The following KDM4C variants were observed in gnomAD, a reference collection of about 807,000 sequenced individuals.
The protein encoded by KDM4C is lysine demethylase 4C.
KDM4C carries 81 observed loss-of-function variants against 129.3 expected under a neutral mutation model. The observed-to-expected ratio is 0.63, with a 90% CI of 0.52 to 0.75. The LOEUF (loss-of-function observed/expected upper bound fraction) is 0.75. KDM4C is among the 30% of genes least tolerant of loss of function. The probability of loss-of-function intolerance (pLI) is 0.00; values close to 1 mark genes in which losing one functional copy is unlikely to be tolerated. For synonymous variants in KDM4C, 573 were observed against 456.1 expected, an observed-to-expected ratio of 1.26 and a Z score of -3.26; for missense variants, 1,457 against 1,304.0, an observed-to-expected ratio of 1.12 and a Z score of -1.81.
intron 1 of KDM4C, among the ~76,000 whole-genome samples, chr9:6,747,375 G>C (rs369475685): frequency 6.6e-6 from 1 of 151,410 alleles, no homozygotes; most frequent in African/African-American, 2.4e-5. Flanking sequence ...GTGAAACCCC[G>C]TCTCTACTAA....
At chr9:6,791,323 G>C (rs547434819) in intron 1 of KDM4C, among the ~76,000 whole-genome samples, 19 of 152,132 alleles carry the variant, frequency 1.2e-4, no homozygotes, top group Non-Finnish European at 2.6e-4. Flanking sequence ...GTGTTGCCCG[G>C]GGTGGTCTTG....
intron 17 of KDM4C, among the ~76,000 whole-genome samples, chr9:7,085,731 G>A (rs1835038607): frequency 6.6e-6 from 1 of 152,140 alleles, no homozygotes; most frequent in Non-Finnish European, 1.5e-5. Context: ...GGGATAATCT[G>A]AGCATTTATA....
intron 3 of KDM4C, among the ~76,000 whole-genome samples, chr9:6,807,860 A>ACCG (rs1830356457): frequency 8.8e-6 from 1 of 113,600 alleles, no homozygotes; most frequent in African/African-American, 3.6e-5. Flanking sequence ...CAGCCCCCCA[A>ACCG]CCTGGCCAGC....
intron 8 of KDM4C, among the ~76,000 whole-genome samples, chr9:6,899,540 GGGGTGT>G (rs1209318938): frequency 6.8e-4 from 44 of 64,662 alleles, no homozygotes; most frequent in African/African-American, 1.9e-3. Context: ...CTTTTCCATG[GGGGTGT>G]GTGTGTGTGT....
At chr9:7,014,610 G>T (rs981768578) in intron 14 of KDM4C, among the ~76,000 whole-genome samples, 4 of 152,034 alleles carry the variant, frequency 2.6e-5, no homozygotes, top group Non-Finnish European at 5.9e-5. Context: ...ATGTAAAAGG[G>T]ATCTCATATA....
intron 8 of KDM4C, among the ~76,000 whole-genome samples, chr9:6,915,627 C>G (rs1367767182): frequency 6.6e-6 from 1 of 152,194 alleles, no homozygotes; most frequent in African/African-American, 2.4e-5. Context: ...ATCCACTTGA[C>G]TGTCTCAAGA....
rs114108880 is a variant in KDM4C at position 6,797,323 on chromosome 9, C to T, written c.144+4191C>T. 5.3e-3 allele frequency among the ~76,000 whole-genome samples: 809 copies of T among 152,216 alleles called. 7 individuals are homozygous for T. The highest frequency in any genetic ancestry group is 0.018 in the African/African-American group (768 of 41,532). ...TATTGACAAGATTTAATGAATTGGT[C>T]TTAATTTATGATTTGAAGAAATTGG... is the stretch of plus-strand genomic sequence containing the variant. On this transcript the variant is annotated intron_variant, in intron 2 of 21. Coordinates refer to ENST00000381309, the MANE Select transcript of KDM4C (RefSeq NM_015061.6).
chr9:6,778,648 T>A (rs1241447525), intron 1 of KDM4C, among the ~76,000 whole-genome samples: 1 of 151,670 alleles, frequency 6.6e-6, no homozygotes, highest in East Asian at 2.0e-4. Context: ...ATGCCTGTAA[T>A]CCCAGCTACT....
At chr9:6,939,325 C>T (rs945756811) in intron 8 of KDM4C, among the ~76,000 whole-genome samples, 3 of 152,058 alleles carry the variant, frequency 2.0e-5, no homozygotes, top group Admixed American at 1.3e-4. Flanking sequence ...GCCTGATGAT[C>T]TGTCACTGTC....
chr9:6,991,155 T>C (rs1407829319), intron 12 of KDM4C, among the ~76,000 whole-genome samples: 2 of 152,132 alleles, frequency 1.3e-5, no homozygotes, highest in Non-Finnish European at 2.9e-5. Flanking sequence ...CACGGCTCAC[T>C]GCAGCCTCAA....
chr9:6,787,025 A>G (rs1453479058), intron 1 of KDM4C, among the ~76,000 whole-genome samples: 1 of 152,226 alleles, frequency 6.6e-6, no homozygotes, highest in Non-Finnish European at 1.5e-5. Flanking sequence ...TCTAAAACCT[A>G]AGCTATCTAG....
At chr9:6,789,209 G>A (rs1002150961) in intron 1 of KDM4C, among the ~76,000 whole-genome samples, 7 of 137,414 alleles carry the variant, frequency 5.1e-5, no homozygotes, top group Middle Eastern at 3.6e-3. Context: ...TCACCATCAC[G>A]CCTGGCTAAT....
intron 8 of KDM4C, among the ~76,000 whole-genome samples, chr9:6,903,190 C>T (rs1235081415): frequency 1.3e-5 from 2 of 152,066 alleles, no homozygotes; most frequent in African/African-American, 4.8e-5. Flanking sequence ...TTTTTGGCAG[C>T]ATATTCCCAG....
chr9:6,803,178 A>G (rs1178733587), intron 2 of KDM4C, among the ~76,000 whole-genome samples: 2 of 152,186 alleles, frequency 1.3e-5, no homozygotes, highest in African/African-American at 4.8e-5. Flanking sequence ...ACACCTGGGC[A>G]GTAGGTCATT....
intron 1 of KDM4C, among the ~76,000 whole-genome samples, chr9:6,764,499 A>G (rs185363587): frequency 5.9e-5 from 9 of 152,316 alleles, no homozygotes; most frequent in East Asian, 1.9e-4. Context: ...ATTAACTTGT[A>G]CTATGTGCCA....
At chr9:6,749,062 C>G (rs1381616339) in intron 1 of KDM4C, 1 of 537,500 alleles carries the variant, frequency 1.9e-6, no homozygotes, top group Non-Finnish European at 3.5e-6. Context: ...TCTTGTTGCC[C>G]AGGCTGGAGT....
chr9:6,892,070 A>G (rs937088905), intron 7 of KDM4C, among the ~76,000 whole-genome samples: 1 of 152,208 alleles, frequency 6.6e-6, no homozygotes, highest in Non-Finnish European at 1.5e-5. Context: ...GAATGTGAAC[A>G]TACAGCATTT....
intron 17 of KDM4C, among the ~76,000 whole-genome samples, chr9:7,094,708 G>T (rs546704156): frequency 1.3e-5 from 2 of 152,318 alleles, no homozygotes; most frequent in South Asian, 4.1e-4. Flanking sequence ...GGTCACCCGG[G>T]ACATGTCTGC....
chr9:6,942,412 A>AT (rs1826129862), intron 8 of KDM4C: 1 of 107,566 alleles, frequency 9.3e-6, no homozygotes, highest in Non-Finnish European at 1.9e-5. Flanking sequence ...TCTTTTTTCT[A>AT]TTTTTTCTAT....
Sources: gnomAD v4.1 joint callset for allele counts (sites outside exome capture counted in the v4.1 genomes callset) on GRCh38, gnomAD v4.1.1 for gene constraint, MANE v1.5 for transcripts, NCBI Gene and HGNC (gene_info 2026-07-23, HGNC 2026-07-21) for gene names.